CDH12: variants seen among roughly 807,000 people sequenced by gnomAD.
CDH12 encodes cadherin 12, also known as cadherin-12.
Under a neutral mutation model 74.1 loss-of-function variants are expected in CDH12, and 41 were observed. The observed-to-expected ratio is 0.55, with a 90% confidence interval of 0.43 to 0.72. The LOEUF (loss-of-function observed/expected upper bound fraction) is 0.72, where lower values mean the gene tolerates loss of function less well. Ranked by LOEUF, CDH12 falls within the 30% of genes least tolerant of loss-of-function variation. CDH12 has a pLI of 0.00. For synonymous variants in CDH12, 399 were observed against 355.0 expected (o/e 1.12, Z -1.39); for missense variants, 945 against 977.2 (o/e 0.97, Z 0.44).
At chr5:22,069,979 A>G (rs1741833326) in intron 5 of CDH12, among the ~76,000 whole-genome samples, 1 of 152,216 alleles carries the variant, frequency 6.6e-6, no homozygotes, top group African/African-American at 2.4e-5. Context: ...ATACAAAATC[A>G]GTAATGGAAA....
In CDH12 at chr5:22,170,360, T is replaced by C. The variant is rs141185550; in HGVS notation, c.-187+42138A>G. The stretch of plus-strand genomic sequence containing the variant: ...TGAATAATTCAACTGACTTTTCACA[T>C]TTCACATACTAACATTTCCTGAATA... On this transcript the variant is annotated intron_variant, in intron 4 of 14. Coordinates refer to ENST00000382254, the MANE Select transcript of CDH12 (RefSeq NM_004061.5). Among the ~76,000 whole-genome samples, 920 of 152,020 alleles carry C rather than the reference T, an allele frequency of 6.1e-3. 6 individuals carry two copies. Among genetic ancestry groups the C allele is most frequent in the African/African-American group, 0.021 (886 of 41,530 alleles).
chr5:22,377,663 C>T (rs1175107056), intron 3 of CDH12, among the ~76,000 whole-genome samples: 1 of 152,180 alleles, frequency 6.6e-6, no homozygotes, highest in African/African-American at 2.4e-5. Flanking sequence ...AAACACCTCA[C>T]TTTCTATGCC....
At chr5:21,905,139 T>C (rs985219477) in intron 6 of CDH12, among the ~76,000 whole-genome samples, 2 of 152,172 alleles carry the variant, frequency 1.3e-5, no homozygotes, top group African/African-American at 4.8e-5. Flanking sequence ...GTGGGTGCCG[T>C]AGAGCACAGG....
intron 1 of CDH12, among the ~76,000 whole-genome samples, chr5:22,649,980 A>G (rs1739647713): frequency 6.6e-6 from 1 of 152,018 alleles, no homozygotes; most frequent in Admixed American, 6.6e-5. Context: ...AGTTATATGT[A>G]TATTTTTGTG....
At chr5:22,667,462 T>C (rs1580868377) in intron 1 of CDH12, among the ~76,000 whole-genome samples, 1 of 152,244 alleles carries the variant, frequency 6.6e-6, no homozygotes, top group South Asian at 2.1e-4. Flanking sequence ...TCTTTGGAAA[T>C]CAAATTTACA....
chr5:22,267,559 T>A (rs1314221234), intron 3 of CDH12, among the ~76,000 whole-genome samples: 1 of 152,158 alleles, frequency 6.6e-6, no homozygotes, highest in Admixed American at 6.6e-5. Flanking sequence ...CTCAGCTGTA[T>A]TCAAAGGTAT....
intron 1 of CDH12, among the ~76,000 whole-genome samples, chr5:22,509,622 G>A (rs975585678): frequency 2.0e-5 from 3 of 152,120 alleles, no homozygotes; most frequent in Non-Finnish European, 1.5e-5. Context: ...ATCTTGGGTC[G>A]CTTGAAGGAA....
intron 1 of CDH12, among the ~76,000 whole-genome samples, chr5:22,569,617 T>C (rs1377427604): frequency 6.6e-6 from 1 of 152,202 alleles, no homozygotes; most frequent in Admixed American, 6.5e-5. Context: ...CGTTTCACAA[T>C]GTTTACAGCA....
At chr5:22,064,000 CACACACACACACACACACACAA>C (rs1440364879) in intron 5 of CDH12, among the ~76,000 whole-genome samples, 2 of 149,876 alleles carry the variant, frequency 1.3e-5, no homozygotes, top group African/African-American at 5.0e-5. Flanking sequence ...CACACACACA[CACACACACACACACACACACAA>C]ACACACACAC....
At chr5:21,903,980 TTGC>T (rs1753518647) in intron 6 of CDH12, among the ~76,000 whole-genome samples, 1 of 152,122 alleles carries the variant, frequency 6.6e-6, no homozygotes, top group African/African-American at 2.4e-5. Context: ...TTAAAATGTC[TTGC>T]TAAGTGTCCT....
intron 2 of CDH12, among the ~76,000 whole-genome samples, chr5:22,446,930 A>G (rs1019108754): frequency 1.3e-5 from 2 of 152,074 alleles, no homozygotes; most frequent in Non-Finnish European, 2.9e-5. Context: ...TGTTGCAGCT[A>G]CTCCTAAGAT....
intron 1 of CDH12, among the ~76,000 whole-genome samples, chr5:22,698,555 A>G (rs554093300): frequency 3.9e-4 from 59 of 151,154 alleles, no homozygotes; most frequent in Non-Finnish European, 7.4e-5. Flanking sequence ...TGTCTTTTTC[A>G]TGAATGACTG....
chr5:22,190,958 C>G (rs923949637), intron 4 of CDH12, among the ~76,000 whole-genome samples: 1 of 152,216 alleles, frequency 6.6e-6, no homozygotes. Flanking sequence ...TCCCTTGCCT[C>G]AATGTGGGAG....
At chr5:21,956,092 A>G (rs2150105692) in intron 6 of CDH12, among the ~76,000 whole-genome samples, 1 of 152,228 alleles carries the variant, frequency 6.6e-6, no homozygotes, top group East Asian at 1.9e-4. Flanking sequence ...TAGAGAAAAA[A>G]CTATGTTAGT....
At chr5:21,893,919 C>T (rs2150046911) in intron 6 of CDH12, among the ~76,000 whole-genome samples, 1 of 152,248 alleles carries the variant, frequency 6.6e-6, no homozygotes, top group East Asian at 1.9e-4. Context: ...CTTTACATCA[C>T]AGAAAAGGTA....
intron 2 of CDH12, among the ~76,000 whole-genome samples, chr5:22,422,365 G>A (rs1232489136): frequency 6.6e-6 from 1 of 151,800 alleles, no homozygotes; most frequent in Non-Finnish European, 1.5e-5. Context: ...TTTTTCTTTA[G>A]TTCTGTTTAT....
At chr5:22,055,340 T>C (rs1174482024) in intron 5 of CDH12, among the ~76,000 whole-genome samples, 1 of 152,156 alleles carries the variant, frequency 6.6e-6, no homozygotes, top group Admixed American at 6.5e-5. Flanking sequence ...AAATAGCAAG[T>C]AAGAGTGACC....
At position 22,010,703 on chromosome 5, in the gene CDH12, C is replaced by T. The variant is rs558087872; in HGVS notation, c.232-35318G>A. On this transcript the variant is annotated intron_variant, in intron 5 of 14. Coordinates refer to ENST00000382254, the MANE Select transcript of CDH12 (RefSeq NM_004061.5). ...ATAAATTCATTATTCTCATTTGTGC[C>T]CAATGACAAAATTTTCCTTGCCCTG... Among the ~76,000 whole-genome samples the T allele has an allele frequency of 1.2e-4, 19 of 152,134 alleles. No individual in the cohort carries two copies. The East Asian group carries it at 3.3e-3, about 26-fold the overall frequency.
At chr5:21,850,047 G>A (rs1750379977) in intron 7 of CDH12, among the ~76,000 whole-genome samples, 2 of 151,380 alleles carry the variant, frequency 1.3e-5, no homozygotes, top group African/African-American at 4.8e-5. Context: ...AATAAGCCAG[G>A]CATATAAATA....
Sources: gnomAD v4.1 joint callset for allele counts (sites outside exome capture counted in the v4.1 genomes callset) on GRCh38, gnomAD v4.1.1 for gene constraint, MANE v1.5 for transcripts, NCBI Gene and HGNC (gene_info 2026-07-23, HGNC 2026-07-21) for gene names.